Variants in VSTM2B observed in about 807,000 individuals in gnomAD.
VSTM2B encodes V-set and transmembrane domain-containing protein 2B.
A neutral mutation model predicts 24.0 loss-of-function variants in VSTM2B; 24 were observed. The ratio of observed to expected loss-of-function variants is 1.00; its 90% confidence interval spans 0.72 to 1.40. The LOEUF (loss-of-function observed/expected upper bound fraction) is 1.40, where lower values mean the gene tolerates loss of function less well. Among genes scored for constraint, VSTM2B ranks in the 40% most tolerant of loss-of-function variants. The pLI, the probability that VSTM2B is intolerant of heterozygous loss-of-function variation, is 0.00. For missense variants in VSTM2B, 399 were observed against 416.4 expected (o/e 0.96, Z 0.36); for synonymous variants, 226 against 194.4 (o/e 1.16, Z -1.35).
chr19:29,541,539 A>C (rs1970017349), intron 4 of VSTM2B, among the ~76,000 whole-genome samples: 1 of 151,862 alleles, frequency 6.6e-6, no homozygotes, highest in South Asian at 2.1e-4. Context: ...TTGGAGAATT[A>C]ATAGATGGGT....
intron 4 of VSTM2B, among the ~76,000 whole-genome samples, chr19:29,539,205 G>A (rs1409841745): frequency 6.6e-6 from 1 of 152,154 alleles, no homozygotes; most frequent in African/African-American, 2.4e-5. Flanking sequence ...CCCCAGGTTT[G>A]CCCACGTGCC....
intron 4 of VSTM2B, among the ~76,000 whole-genome samples, chr19:29,544,398 C>A (rs1452724459): frequency 6.6e-6 from 1 of 151,194 alleles, no homozygotes; most frequent in Non-Finnish European, 1.5e-5. Flanking sequence ...TGGTGGCGGG[C>A]ACCTGTAATC....
At chr19:29,540,538 C>G (rs766068759) in intron 4 of VSTM2B, among the ~76,000 whole-genome samples, 4 of 152,234 alleles carry the variant, frequency 2.6e-5, no homozygotes, top group Non-Finnish European at 5.9e-5. Context: ...GTCCTGCAGT[C>G]AACACCTGGC....
chr19:29,550,343 G>A (rs1970249676), intron 4 of VSTM2B, among the ~76,000 whole-genome samples: 1 of 152,210 alleles, frequency 6.6e-6, no homozygotes, highest in South Asian at 2.1e-4. Context: ...GCTGAGGCAG[G>A]AGAATCACTT....
Position 29,563,891 on chromosome 19 carries a change from T to C in VSTM2B, c.815T>C (p.Leu272Pro), listed in dbSNP as rs917200154. ...YTTDPLLSLL[L>P]LALHKFLRLL... ...ACAGACCCACTCTTGTCCCTGCTCC[T>C]GTTAGCTCTGCATAAGTTCCTGCGC... Residue 272 changes from leucine to proline, a missense_variant, in exon 5 of 5, where the codon CTG becomes CCG. Coordinates refer to ENST00000335523, the MANE Select transcript of VSTM2B (RefSeq NM_001146339.2). The C allele has an allele frequency of 1.9e-6, 3 of 1,552,248 alleles. No homozygotes were observed. Among genetic ancestry groups the C allele is most frequent in the Non-Finnish European group, 2.6e-6 (3 of 1,147,138 alleles).
chr19:29,544,390 G>GT (rs1418623948), intron 4 of VSTM2B, among the ~76,000 whole-genome samples: 1 of 151,452 alleles, frequency 6.6e-6, no homozygotes, highest in East Asian at 1.9e-4. Flanking sequence ...GCCGGGCTTG[G>GT]TGGCGGGCAC....
chr19:29,530,270 T>G lies in VSTM2B; in HGVS notation c.749T>G (p.Leu250Arg). Residue 250 changes from leucine (L) to arginine (R), a missense_variant, in exon 4 of 5, where the codon CTG becomes CGG. Coordinates refer to ENST00000335523, the MANE Select transcript of VSTM2B (RefSeq NM_001146339.2). Reference sequence around the variant, plus strand: ...CCGCCATCGGGACAGGCGGTCCTGCTGCGCCAGAGGCACGGCTCGGGTAAG... The same window carrying G: ...CCGCCATCGGGACAGGCGGTCCTGCGGCGCCAGAGGCACGGCTCGGGTAAG... ...ASPPSGQAVL[L>R]RQRHGSGTGR... 6.7e-7 allele frequency: 1 copy of G among 1,500,936 alleles called. No homozygotes were observed. Among genetic ancestry groups the G allele is most frequent in the Non-Finnish European group, 8.8e-7 (1 of 1,132,110 alleles). The allele number at this position is 1,500,936 out of a possible 1,614,324, so 93.0% of individuals were successfully genotyped here.
At chr19:29,529,174 C>A (rs371608821) in intron 3 of VSTM2B, 94 of 974,550 alleles carry the variant, frequency 9.6e-5, no homozygotes, top group Middle Eastern at 5.3e-4. Flanking sequence ...AGGGGAGGAG[C>A]ACTTCGCTGG....
Position 29,526,610 on chromosome 19 carries a change from C to G in VSTM2B, c.27C>G (p.Ala9=), listed in dbSNP as rs1388710959. The G allele has an allele frequency of 5.2e-6, 8 of 1,529,146 alleles. No individual in the cohort carries two copies. The highest frequency in any genetic ancestry group is 6.1e-6 in the Non-Finnish European group (7 of 1,143,356). 94.7% of individuals were successfully genotyped at this position (1,529,146 alleles called of 1,614,324 possible). A position where few individuals can be genotyped will look rare whatever the true frequency, so the allele number is the denominator to read the frequency against. The change falls in exon 1 of 5, where the codon GCC becomes GCG. Residue 9 remains alanine (A), a synonymous_variant. Transcript: ENST00000335523. This position sits in a 1 kb window ranked among gnomAD's most constrained non-coding sequence, Gnocchi z 4.1. ...TGGAACAGCGGAACCGGCTCGGTGC[C>G]CTCGGATACCTGCCGCCTCTGCTGC... MEQRNRLG[A]LGYLPPLLLH... is the part of the protein sequence containing the mutation.
At chr19:29,552,582 C>T (rs1282568785) in intron 4 of VSTM2B, among the ~76,000 whole-genome samples, 3 of 152,190 alleles carry the variant, frequency 2.0e-5, no homozygotes, top group African/African-American at 4.8e-5. Flanking sequence ...CAGGGGATCT[C>T]CCTCATGAGC....
intron 4 of VSTM2B, among the ~76,000 whole-genome samples, chr19:29,551,808 A>AT (rs1970290549): frequency 6.6e-6 from 1 of 152,160 alleles, no homozygotes; most frequent in African/African-American, 2.4e-5. Flanking sequence ...TAAAGAAACC[A>AT]TTAGCATCCA....
At chr19:29,562,248 C>T (rs913610351) in intron 4 of VSTM2B, among the ~76,000 whole-genome samples, 1 of 152,194 alleles carries the variant, frequency 6.6e-6, no homozygotes, top group African/African-American at 2.4e-5. Flanking sequence ...CTCCATGACA[C>T]AGACAGCTAT....
chr19:29,547,825 G>A (rs187901079), intron 4 of VSTM2B, among the ~76,000 whole-genome samples: 10 of 152,228 alleles, frequency 6.6e-5, no homozygotes, highest in Admixed American at 5.9e-4. Context: ...TGCGGGGTCA[G>A]CCTGGATATG....
Position 29,530,215 on chromosome 19 carries a change from G to A in VSTM2B, c.694G>A (p.Ala232Thr), listed in dbSNP as rs1183924231. The change falls in exon 4 of 5, where the codon GCG (alanine) becomes ACG (threonine). Residue 232 changes from alanine to threonine, a missense_variant. Ala to Thr is a moderately conservative substitution (Grantham distance 58). Transcript: ENST00000335523. ...GGCCCACACGCCCACCACCACAGTC[G>A]CGGCAGCTGCTGCTGCCTCGTCAGC... ...SAAHTPTTTV[A>T]AAAAASSASP... The A allele has an allele frequency of 1.7e-5, 25 of 1,502,968 alleles. No individual in the cohort carries two copies. The highest frequency in any genetic ancestry group is 2.1e-5 in the Non-Finnish European group (24 of 1,133,022). The allele number at this position is 1,502,968 out of a possible 1,614,324, so 93.1% of individuals were successfully genotyped here.
At position 29,529,802 on chromosome 19, in the gene VSTM2B, AC is replaced by A; in HGVS notation, c.298-14del. On this transcript the variant is annotated splice_polypyrimidine_tract_variant and intron_variant, in intron 3 of 4. Coordinates refer to ENST00000335523, the MANE Select transcript of VSTM2B (RefSeq NM_001146339.2). ...TGGGAGCTGCCCAGCCCGGCCTCTA[AC>A]CCTGCTCTCTTGCAGACCGTACGCG... 1 of 1,546,710 alleles carries A rather than the reference AC, an allele frequency of 6.5e-7. No individual in the cohort carries two copies. The highest frequency in any genetic ancestry group is 8.7e-7 in the Non-Finnish European group (1 of 1,145,186).
intron 4 of VSTM2B, among the ~76,000 whole-genome samples, chr19:29,550,667 A>T (rs1185036048): frequency 2.0e-5 from 3 of 152,124 alleles, no homozygotes; most frequent in African/African-American, 7.2e-5. Flanking sequence ...ATTCTATGCA[A>T]TACTGGACAA....
rs767937037 is a variant in VSTM2B at position 29,529,890 on chromosome 19, C to T, written c.369C>T (p.Gly123=). ...RLSAVRLQDE[G]VYECRVSDYS... Reference sequence around the variant, plus strand: ...CTGCCGTGCGGCTGCAGGACGAGGGCGTGTACGAGTGCCGCGTGTCGGACT... The same window carrying T: ...CTGCCGTGCGGCTGCAGGACGAGGGTGTGTACGAGTGCCGCGTGTCGGACT... Residue 123 remains glycine, a synonymous_variant, in exon 4 of 5, where the codon GGC becomes GGT. Coordinates refer to ENST00000335523, the MANE Select transcript of VSTM2B (RefSeq NM_001146339.2). 74 of 1,550,338 alleles carry T rather than the reference C, an allele frequency of 4.8e-5. No homozygotes were observed. Among genetic ancestry groups the T allele is most frequent in the Non-Finnish European group, 6.4e-5 (73 of 1,146,876 alleles).
intron 4 of VSTM2B, among the ~76,000 whole-genome samples, chr19:29,563,641 T>G (rs1970583944): frequency 6.6e-6 from 1 of 152,210 alleles, no homozygotes; most frequent in South Asian, 2.1e-4. Context: ...ACTAGGATCC[T>G]AAAGTGTATG....
chr19:29,537,030 T>C (rs78253003), intron 4 of VSTM2B, among the ~76,000 whole-genome samples: 4,595 of 152,284 alleles, frequency 0.03, 250 homozygotes, highest in African/African-American at 0.11. Context: ...TCTTTTTTAT[T>C]CCCCCATGCT....
Sources: allele counts gnomAD v4.1 joint callset (sites outside exome capture counted in the v4.1 genomes callset), GRCh38; gene constraint gnomAD v4.1.1; non-coding constraint Gnocchi (gnomAD v3.1); transcripts MANE v1.5; gene names NCBI Gene and HGNC (gene_info 2026-07-23, HGNC 2026-07-21).